ADAMTS3: variants seen among roughly 807,000 people sequenced by gnomAD.
The protein encoded by ADAMTS3 is A disintegrin and metalloproteinase with thrombospondin motifs 3.
Under a neutral mutation model 129.0 loss-of-function variants are expected in ADAMTS3, and 73 were observed. The ratio of observed to expected loss-of-function variants is 0.57; its 90% CI spans 0.47 to 0.69. The LOEUF (loss-of-function observed/expected upper bound fraction) is 0.69. ADAMTS3 is among the 30% of genes least tolerant of loss of function. ADAMTS3 has a pLI of 0.00. For synonymous variants in ADAMTS3, 477 were observed against 510.8 expected (o/e 0.93, Z 0.89); for missense variants, 1,457 against 1,514.5 (o/e 0.96, Z 0.63).
chr4:72,429,011 T>C (rs1376130282), intron 3 of ADAMTS3, among the ~76,000 whole-genome samples: 2 of 152,200 alleles, frequency 1.3e-5, no homozygotes, highest in Non-Finnish European at 2.9e-5. Context: ...GACTTTTCCA[T>C]GTTCCAACTC....
intron 4 of ADAMTS3, among the ~76,000 whole-genome samples, chr4:72,341,144 C>T (rs1720127124): frequency 6.6e-6 from 1 of 152,032 alleles, no homozygotes; most frequent in Non-Finnish European, 1.5e-5. Context: ...ATGACCAAGC[C>T]CTAGCCAAAA....
intron 3 of ADAMTS3, among the ~76,000 whole-genome samples, chr4:72,426,132 C>A (rs550576338): frequency 8.6e-4 from 131 of 152,148 alleles, no homozygotes; most frequent in Non-Finnish European, 1.4e-3. Flanking sequence ...TAAATGTCTT[C>A]TTTTGAGAAG....
intron 3 of ADAMTS3, among the ~76,000 whole-genome samples, chr4:72,426,019 T>G (rs906814973): frequency 1.3e-5 from 2 of 152,170 alleles, no homozygotes; most frequent in Non-Finnish European, 2.9e-5. Flanking sequence ...TTTTAATGAT[T>G]GCCATTCTAA....
At chr4:72,478,862 A>C (rs1326581971) in intron 3 of ADAMTS3, among the ~76,000 whole-genome samples, 1 of 151,830 alleles carries the variant, frequency 6.6e-6, no homozygotes. Flanking sequence ...ATACAAAATC[A>C]ATGTACAAAA....
intron 4 of ADAMTS3, among the ~76,000 whole-genome samples, chr4:72,345,277 G>A (rs1031400329): frequency 2.2e-4 from 33 of 152,094 alleles, no homozygotes; most frequent in African/African-American, 8.0e-4. Context: ...TCCAAGAGTA[G>A]GTGGAGATCC....
At chr4:72,292,601 TACA>T (rs1201734129) in intron 19 of ADAMTS3, among the ~76,000 whole-genome samples, 3 of 152,314 alleles carry the variant, frequency 2.0e-5, no homozygotes, top group African/African-American at 2.4e-5. Context: ...CAGCTGTGGA[TACA>T]ACATTACACA....
intron 3 of ADAMTS3, among the ~76,000 whole-genome samples, chr4:72,545,979 A>AT (rs1338930042): frequency 1.3e-5 from 2 of 152,172 alleles, no homozygotes; most frequent in Non-Finnish European, 2.9e-5. Context: ...ATTGGCTCAT[A>AT]TTTTTTAAGT....
At chr4:72,529,355 T>C (rs1175841191) in intron 3 of ADAMTS3, among the ~76,000 whole-genome samples, 1 of 151,924 alleles carries the variant, frequency 6.6e-6, no homozygotes, top group Non-Finnish European at 1.5e-5. Context: ...CTCTACAGAC[T>C]TACTGAGTCA....
chr4:72,312,035 A>T, intron 13 of ADAMTS3: 1 of 390,078 alleles, frequency 2.6e-6, no homozygotes. Context: ...CATCTCTCCC[A>T]GGCGTTCCTT....
At chr4:72,312,199 T>C (rs1719256842) in intron 13 of ADAMTS3, 92 bp downstream of exon 13, 7 of 1,409,238 alleles carry the variant, frequency 5.0e-6, no homozygotes, top group Admixed American at 1.8e-5. Context: ...AGTTACCACA[T>C]AGGGATCAAG....
intron 2 of ADAMTS3, among the ~76,000 whole-genome samples, chr4:72,560,439 C>T (rs538207941): frequency 6.6e-5 from 10 of 152,158 alleles, no homozygotes; most frequent in South Asian, 2.1e-4. Flanking sequence ...TCAACCCAAA[C>T]GCCAATCAAT....
rs371019384 is a variant in ADAMTS3 at position 72,285,611 on chromosome 4, C to A, written c.3050-1907G>T. Among the ~76,000 whole-genome samples, 77 of 152,112 alleles carry A rather than the reference C, an allele frequency of 5.1e-4. 2 individuals carry two copies. The South Asian group carries it at 0.016, about 32-fold the overall frequency. On this transcript the variant is annotated intron_variant, in intron 21 of 21. Transcript: ENST00000286657. ...CCATGTCTAAGTGTGAGCACTTTGG[C>A]ATTGCAGAGTCCTGTTCATAACCTG...
intron 3 of ADAMTS3, among the ~76,000 whole-genome samples, chr4:72,437,068 G>T (rs996034945): frequency 5.3e-5 from 8 of 151,712 alleles, no homozygotes; most frequent in Admixed American, 2.0e-4. Context: ...ATCAAATGTT[G>T]AGTTTGCTCA....
At chr4:72,531,772 A>G (rs1450462811) in intron 3 of ADAMTS3, among the ~76,000 whole-genome samples, 2 of 152,184 alleles carry the variant, frequency 1.3e-5, no homozygotes, top group East Asian at 3.9e-4. Context: ...AAAGGTCCGC[A>G]TTATACCAGG....
At chr4:72,458,634 A>C (rs1718686888) in intron 3 of ADAMTS3, among the ~76,000 whole-genome samples, 1 of 151,020 alleles carries the variant, frequency 6.6e-6, no homozygotes, top group Non-Finnish European at 1.5e-5. Flanking sequence ...ATGAATGATG[A>C]AAATGATGAA....
intron 17 of ADAMTS3, among the ~76,000 whole-genome samples, chr4:72,298,943 AAT>A (rs2109782368): frequency 6.6e-6 from 1 of 152,092 alleles, no homozygotes; most frequent in East Asian, 1.9e-4. Flanking sequence ...CCCTCCAGAA[AAT>A]ATATACATTA....
intron 3 of ADAMTS3, among the ~76,000 whole-genome samples, chr4:72,517,708 C>T (rs1385577554): frequency 4.0e-5 from 6 of 151,626 alleles, no homozygotes; most frequent in African/African-American, 1.5e-4. Context: ...TTTATTGCGT[C>T]TATTTGATTC....
intron 3 of ADAMTS3, among the ~76,000 whole-genome samples, chr4:72,418,209 T>A (rs956243225): frequency 1.3e-5 from 2 of 152,076 alleles, no homozygotes; most frequent in Non-Finnish European, 2.9e-5. Context: ...CTCGAAATTA[T>A]CTAGTATCTA....
At chr4:72,329,571 C>A (rs571985572) in intron 5 of ADAMTS3, among the ~76,000 whole-genome samples, 1 of 152,098 alleles carries the variant, frequency 6.6e-6, no homozygotes, top group Admixed American at 6.5e-5. Flanking sequence ...GTTCTCTTTT[C>A]GCAAATACCT....
Sources: gnomAD v4.1 joint callset for allele counts (sites outside exome capture counted in the v4.1 genomes callset) on GRCh38, gnomAD v4.1.1 for gene constraint, MANE v1.5 for transcripts, NCBI Gene and HGNC (gene_info 2026-07-23, HGNC 2026-07-21) for gene names.